CNTNAP5: variants seen among roughly 807,000 people sequenced by gnomAD.
The protein encoded by CNTNAP5 is contactin associated protein family member 5.
CNTNAP5 carries 72 observed loss-of-function variants against 150.2 expected under a neutral mutation model. That is an observed-to-expected ratio of 0.48 (90% confidence interval 0.40 to 0.58). The LOEUF is 0.58. CNTNAP5 is among the 20% of genes least tolerant of loss of function. The pLI, the probability that CNTNAP5 is intolerant of heterozygous loss-of-function variation, is 0.00. For missense variants in CNTNAP5, 1,636 were observed against 1,626.2 expected (o/e 1.01, Z -0.10); for synonymous variants, 672 against 619.8 (o/e 1.08, Z -1.25).
intron 10 of CNTNAP5, among the ~76,000 whole-genome samples, chr2:124,531,893 C>T (rs1695118743): frequency 6.6e-6 from 1 of 152,164 alleles, no homozygotes; most frequent in Non-Finnish European, 1.5e-5. Context: ...TCCAGGAGCA[C>T]AGATTCAAGT....
At chr2:124,832,270 A>ATTTAAAC (rs1308257449) in intron 19 of CNTNAP5, among the ~76,000 whole-genome samples, 6 of 152,154 alleles carry the variant, frequency 3.9e-5, no homozygotes, top group Admixed American at 1.3e-4. Context: ...ACTGGAAAAT[A>ATTTAAAC]TTTAAACTTA....
intron 5 of CNTNAP5, among the ~76,000 whole-genome samples, chr2:124,439,360 A>G (rs1404451381): frequency 6.6e-6 from 1 of 152,230 alleles, no homozygotes; most frequent in Non-Finnish European, 1.5e-5. Context: ...TATTTTCAAG[A>G]GGCTGTCAGC....
intron 13 of CNTNAP5, among the ~76,000 whole-genome samples, chr2:124,654,154 G>C (rs1242154290): frequency 2.0e-5 from 3 of 152,154 alleles, no homozygotes; most frequent in South Asian, 2.1e-4. Context: ...GGCCAGTGTG[G>C]CTAGAGGAGG....
intron 3 of CNTNAP5, among the ~76,000 whole-genome samples, chr2:124,354,568 C>A (rs1269811123): frequency 1.3e-5 from 2 of 152,126 alleles, no homozygotes; most frequent in African/African-American, 4.8e-5. Flanking sequence ...GACCTAAGAT[C>A]TTTGGATTGA....
At chr2:124,607,328 T>C (rs893726165) in intron 11 of CNTNAP5, among the ~76,000 whole-genome samples, 2 of 152,156 alleles carry the variant, frequency 1.3e-5, no homozygotes, top group African/African-American at 4.8e-5. Flanking sequence ...CAGGGCATGC[T>C]ACCAAAACTT....
At chr2:124,390,142 C>T (rs181928631) in intron 3 of CNTNAP5, among the ~76,000 whole-genome samples, 8 of 152,222 alleles carry the variant, frequency 5.3e-5, no homozygotes, top group African/African-American at 1.9e-4. Context: ...ATCAATCTTT[C>T]CATTGATGAT....
intron 17 of CNTNAP5, among the ~76,000 whole-genome samples, chr2:124,786,251 T>G (rs1681566140): frequency 6.8e-6 from 1 of 146,182 alleles, no homozygotes; most frequent in Non-Finnish European, 1.5e-5. Flanking sequence ...TGATAGAATA[T>G]GACTCTGTCT....
At chr2:124,115,469 G>A (rs1361835436) in intron 1 of CNTNAP5, among the ~76,000 whole-genome samples, 1 of 152,086 alleles carries the variant, frequency 6.6e-6, no homozygotes, top group Non-Finnish European at 1.5e-5. Context: ...ATTGAAAAGA[G>A]TAATACGTTT....
chr2:124,848,858 T>G (rs1683101331), intron 19 of CNTNAP5, among the ~76,000 whole-genome samples: 1 of 152,198 alleles, frequency 6.6e-6, no homozygotes, highest in Non-Finnish European at 1.5e-5. Flanking sequence ...TCTTTGCTAT[T>G]GAGTTGAGTT....
intron 19 of CNTNAP5, among the ~76,000 whole-genome samples, chr2:124,863,401 A>T (rs1484861720): frequency 6.6e-6 from 1 of 152,184 alleles, no homozygotes; most frequent in Admixed American, 6.5e-5. Context: ...TGCACAAAAT[A>T]TGCTGCTCTT....
rs149178248 is a variant in CNTNAP5, at chr2:124,728,547, T to G, written c.2078-18682T>G. ...AGAAATGAACAGACACAAGTAATGT[T>G]GTTCTTTATTTCAATGAATGTAAAA... is the stretch of plus-strand genomic sequence containing the variant. On this transcript the variant is annotated intron_variant, in intron 13 of 23. Transcript: ENST00000682447. 1.2e-3 allele frequency among the ~76,000 whole-genome samples: 180 copies of G among 152,208 alleles called. 2 individuals carry two copies. The highest frequency in any genetic ancestry group is 4.2e-3 in the African/African-American group (173 of 41,590).
intron 21 of CNTNAP5, among the ~76,000 whole-genome samples, chr2:124,887,870 G>C (rs1371036760): frequency 2.6e-5 from 4 of 152,064 alleles, no homozygotes; most frequent in Non-Finnish European, 5.9e-5. Context: ...GAAAAGCCAG[G>C]ATTGTTTTTT....
At chr2:124,038,106 G>A (rs1235493020) in intron 1 of CNTNAP5, among the ~76,000 whole-genome samples, 2 of 152,156 alleles carry the variant, frequency 1.3e-5, no homozygotes, top group Non-Finnish European at 2.9e-5. Context: ...TTTGACAAGT[G>A]TATACCCAAT....
At chr2:124,634,061 T>A (rs987539425) in intron 12 of CNTNAP5, among the ~76,000 whole-genome samples, 1 of 152,168 alleles carries the variant, frequency 6.6e-6, no homozygotes, top group Non-Finnish European at 1.5e-5. Flanking sequence ...CTGAAATGTC[T>A]TTGAGGCTTT....
intron 1 of CNTNAP5, among the ~76,000 whole-genome samples, chr2:124,098,889 C>T (rs543557806): frequency 3.3e-5 from 5 of 152,214 alleles, no homozygotes; most frequent in Admixed American, 6.5e-5. Flanking sequence ...ATCCTGTGGA[C>T]GCAGCATCAC....
chr2:124,178,191 T>C (rs771676919), intron 1 of CNTNAP5, among the ~76,000 whole-genome samples: 6 of 152,154 alleles, frequency 3.9e-5, no homozygotes, highest in Admixed American at 2.0e-4. Context: ...CATCCCTTCT[T>C]GTCAACTCCT....
chr2:124,716,439 G>A (rs2105111028), intron 13 of CNTNAP5, among the ~76,000 whole-genome samples: 1 of 151,864 alleles, frequency 6.6e-6, no homozygotes, highest in African/African-American at 2.4e-5. Flanking sequence ...GAAACTGCTG[G>A]ATAAATAAAG....
At chr2:124,441,736 A>G (rs1181341265) in intron 5 of CNTNAP5, among the ~76,000 whole-genome samples, 1 of 151,852 alleles carries the variant, frequency 6.6e-6, no homozygotes, top group Non-Finnish European at 1.5e-5. Context: ...TTTTTAAATC[A>G]CTAGCCACTT....
chr2:124,688,637 C>A (rs1052090275), intron 13 of CNTNAP5, among the ~76,000 whole-genome samples: 1 of 152,022 alleles, frequency 6.6e-6, no homozygotes, highest in African/African-American at 2.4e-5. Context: ...AGGCTGAGTT[C>A]ACTCGGGGAC....
Sources: gnomAD v4.1 joint callset for allele counts (sites outside exome capture counted in the v4.1 genomes callset) on GRCh38, gnomAD v4.1.1 for gene constraint, MANE v1.5 for transcripts, NCBI Gene and HGNC (gene_info 2026-07-23, HGNC 2026-07-21) for gene names.